UBA6: variants seen among roughly 807,000 people sequenced by gnomAD.
UBA6 encodes the protein ubiquitin-like modifier-activating enzyme 6.
Under a neutral mutation model 148.3 loss-of-function variants are expected in UBA6, and 87 were observed. That is an observed-to-expected ratio of 0.59 (90% confidence interval 0.49 to 0.70). The LOEUF is 0.70. Ranked by LOEUF, UBA6 falls within the 30% of genes least tolerant of loss-of-function variation. UBA6 has a pLI of 0.00. For missense variants in UBA6, 1,186 were observed against 1,241.2 expected (o/e 0.96, Z 0.67); for synonymous variants, 376 against 401.0 (o/e 0.94, Z 0.75).
chr4:67,630,273 G>A (rs1489691303), intron 26 of UBA6, among the ~76,000 whole-genome samples, 193 bp downstream of exon 26: 5 of 152,018 alleles, frequency 3.3e-5, no homozygotes, highest in African/African-American at 1.2e-4. Flanking sequence ...GGAAAAATCC[G>A]ACTTCTACTT....
At chr4:67,681,671 TCTGA>T in intron 3 of UBA6, 80 bp from the exon 4 acceptor site, 1 of 923,402 alleles carries the variant, frequency 1.1e-6, no homozygotes, top group Non-Finnish European at 1.6e-6. Flanking sequence ...TAGTCACATA[TCTGA>T]CTGCATACTT....
intron 2 of UBA6, among the ~76,000 whole-genome samples, chr4:67,693,809 G>A (rs951744572): frequency 7.9e-5 from 12 of 152,096 alleles, no homozygotes; most frequent in African/African-American, 2.9e-4. Flanking sequence ...ATCTCCCTGA[G>A]ATATTAAGAG....
At position 67,674,796 on chromosome 4, in the gene UBA6, C is replaced by T. The variant is rs892719655; in HGVS notation, c.466-1019G>A. ...TGCTTTCTATCTAGAAATCCAATTT[C>T]ATAAATTGGACCTTTTCATTCAAGC... On this transcript the variant is annotated intron_variant, in intron 6 of 32. Coordinates refer to ENST00000322244, the MANE Select transcript of UBA6 (RefSeq NM_018227.6). Among the ~76,000 whole-genome samples, 3 of 152,248 alleles carry T rather than the reference C, an allele frequency of 2.0e-5. No individual in the cohort carries two copies. The South Asian group carries it at 6.2e-4, about 32-fold the overall frequency.
At chr4:67,643,823 T>C (rs1729361287) in intron 17 of UBA6, among the ~76,000 whole-genome samples, 1 of 152,112 alleles carries the variant, frequency 6.6e-6, no homozygotes, top group Non-Finnish European at 1.5e-5. Flanking sequence ...GACCTTTATA[T>C]GCTAATGTGC....
Position 67,682,203 on chromosome 4 carries a change from A to T in UBA6, c.145T>A (p.Tyr49Asn). ...IDDALYSRQR[Y>N]VLGDTAMQKM... ...TGCATTGCTGTGTCTCCAAGAACGT[A>T]CCTCTGTCGACTACACGGAAAACAC... The change falls in exon 3 of 33, where the codon TAC becomes AAC. Residue 49 changes from tyrosine to asparagine, a missense_variant. Physicochemically the swap from Tyr to Asn is moderately radical, Grantham distance 143. Transcript: ENST00000322244. The T allele has an allele frequency of 6.2e-7, 1 of 1,613,242 alleles. No individual in the cohort carries two copies. Among genetic ancestry groups the T allele is most frequent in the Non-Finnish European group, 8.5e-7 (1 of 1,179,492 alleles).
Position 67,646,748 on chromosome 4 carries a change from G to C in UBA6, c.1292C>G (p.Pro431Arg). ...CCGTGGGAGAAATTCTTCACATTCA[G>C]GTTTGCCTAGTGATTCAACAATATC... ...AADIVESLGK[P>R]ECEEFLPRGD... The change falls in exon 15 of 33, where the codon CCT becomes CGT. Residue 431 changes from proline to arginine, a missense_variant. Pro to Arg is a moderately radical substitution (Grantham distance 103). Coordinates refer to ENST00000322244, the MANE Select transcript of UBA6 (RefSeq NM_018227.6). 2 of 1,604,478 alleles carry C rather than the reference G, an allele frequency of 1.2e-6. No homozygotes were observed. Among genetic ancestry groups the C allele is most frequent in the South Asian group, 1.1e-5 (1 of 89,168 alleles).
At chr4:67,663,433 T>C (rs1234867225) in intron 11 of UBA6, 1 of 416,716 alleles carries the variant, frequency 2.4e-6, no homozygotes, top group Non-Finnish European at 4.3e-6. Context: ...CCTTTCCTTA[T>C]TAAAATTTAC....
In UBA6 at chr4:67,682,338, G is replaced by C. The variant is rs79189425; in HGVS notation, c.135-125C>G. ...CCCACAGACTTGTTATGAATGATTT[G>C]CACAGTGTTTAAACATTTCTGAATT... On this transcript the variant is annotated intron_variant, in intron 2 of 32. Transcript: ENST00000322244. The C allele has an allele frequency of 1.8e-5, 12 of 667,442 alleles. No individual in the cohort carries two copies. In the South Asian group the frequency reaches 2.4e-4, roughly 13 times the overall value. 41.3% of individuals were successfully genotyped at this position (667,442 alleles called of 1,614,324 possible).
In UBA6 at chr4:67,662,715, AG is replaced by A. The variant is rs11321694; in HGVS notation, c.1037+423del. 7.5e-3 allele frequency: 1,265 copies of A among 169,634 alleles called. 12 individuals carry two copies. The highest frequency in any genetic ancestry group is 0.029 in the African/African-American group (1,215 of 41,964). The allele number at this position is 169,634 out of a possible 1,614,324, so 10.5% of individuals were successfully genotyped here. On this transcript the variant is annotated intron_variant, in intron 12 of 32. Transcript: ENST00000322244. ...TGGCCTCAAGTGATCCACCTGCTTC[AG>A]CCTCCCAAAGTCCTGGGATCATAGG...
At chr4:67,619,728 T>C (rs1728710289) in intron 32 of UBA6, among the ~76,000 whole-genome samples, 1 of 152,230 alleles carries the variant, frequency 6.6e-6, no homozygotes, top group Non-Finnish European at 1.5e-5. Context: ...ATTTAAACCT[T>C]AAAATGTAAG....
At chr4:67,682,487 T>A (rs1386464904) in intron 2 of UBA6, among the ~76,000 whole-genome samples, 1 of 152,208 alleles carries the variant, frequency 6.6e-6, no homozygotes, top group Non-Finnish European at 1.5e-5. Flanking sequence ...GAGGATTATG[T>A]GCTCCAGATT....
In UBA6 at chr4:67,624,178, T is replaced by C. The variant is rs1728813580; in HGVS notation, c.2788A>G (p.Ile930Val). 3 of 1,610,058 alleles carry C rather than the reference T, an allele frequency of 1.9e-6. No individual in the cohort carries two copies. Among genetic ancestry groups the C allele is most frequent in the Non-Finnish European group, 2.5e-6 (3 of 1,178,188 alleles). ...AYKNCFLNLA[I>V]PIVVFTETTE... ...GTCTCTGTAAATACTACAATTGGAA[T>C]GGCTAAGTTAAGAAAACAATTTTTG... Residue 930 changes from isoleucine (I) to valine (V), a missense_variant, in exon 30 of 33, where the codon ATT (isoleucine) becomes GTT (valine). Physicochemically the swap from Ile to Val is conservative, Grantham distance 29 (BLOSUM62 3). Transcript: ENST00000322244.
chr4:67,678,357 CTGAT>C (rs1730341381), intron 5 of UBA6, 78 bp downstream of exon 5: 4 of 769,888 alleles, frequency 5.2e-6, no homozygotes, highest in Non-Finnish European at 7.9e-6. Flanking sequence ...ACAACTATGA[CTGAT>C]TGGTGTTCTA....
intron 13 of UBA6, among the ~76,000 whole-genome samples, chr4:67,652,624 G>A (rs1729579896): frequency 6.6e-6 from 1 of 152,210 alleles, no homozygotes; most frequent in African/African-American, 2.4e-5. Flanking sequence ...GAAGACAGGT[G>A]ATTTCAGCAT....
chr4:67,670,433 C>T (rs762361995), intron 8 of UBA6, 37 bp downstream of exon 8: 5 of 1,530,092 alleles, frequency 3.3e-6, no homozygotes, highest in Non-Finnish European at 4.5e-6. Context: ...TCAACTTTAA[C>T]AAAATTTATT....
At chr4:67,699,991 C>A (rs980809268) in intron 1 of UBA6, among the ~76,000 whole-genome samples, 1 of 152,150 alleles carries the variant, frequency 6.6e-6, no homozygotes, top group African/African-American at 2.4e-5. Flanking sequence ...GGGCAATAGG[C>A]CTGGTGGGTA....
At chr4:67,692,736 T>G (rs1265738622) in intron 2 of UBA6, among the ~76,000 whole-genome samples, 1 of 152,136 alleles carries the variant, frequency 6.6e-6, no homozygotes, top group Non-Finnish European at 1.5e-5. Context: ...AAATTCAGCT[T>G]CTAGATCAGG....
Position 67,624,138 on chromosome 4 carries a change from T to A in UBA6, c.2828A>T (p.Lys943Ile). 2 of 1,586,982 alleles carry A rather than the reference T, an allele frequency of 1.3e-6. No homozygotes were observed. The highest frequency in any genetic ancestry group is 1.7e-6 in the Non-Finnish European group (2 of 1,169,876). ...CTTTCATACATACCTGATTTTAGTT[T>A]TCCTTACTTCAGTTGTCTCTGTAAA... The part of the protein sequence containing the change: ...VVFTETTEVR[K>I]TKIRNGISFT... The change falls in exon 30 of 33, where the codon AAA becomes ATA. Residue 943 changes from lysine to isoleucine, a missense_variant. Physicochemically the swap from Lys to Ile is moderately radical, Grantham distance 102. Transcript: ENST00000322244.
At chr4:67,621,720 G>A (rs1405326152) in intron 32 of UBA6, among the ~76,000 whole-genome samples, 6 of 152,130 alleles carry the variant, frequency 3.9e-5, no homozygotes, top group South Asian at 4.1e-4. Flanking sequence ...CAGGAGAATC[G>A]CTTGAACTCA....
Sources: allele counts gnomAD v4.1 joint callset (sites outside exome capture counted in the v4.1 genomes callset), GRCh38; gene constraint gnomAD v4.1.1; transcripts MANE v1.5; gene names NCBI Gene and HGNC (gene_info 2026-07-23, HGNC 2026-07-21).